SORCS3: variants seen among roughly 807,000 people sequenced by gnomAD.
The protein encoded by SORCS3 is sortilin related VPS10 domain containing receptor 3.
Under a neutral mutation model 146.3 loss-of-function variants are expected in SORCS3, and 57 were observed. That is an observed-to-expected ratio of 0.39 (90% CI 0.31 to 0.49). The LOEUF (loss-of-function observed/expected upper bound fraction) is 0.49. Among genes scored for constraint, SORCS3 ranks in the 20% least tolerant of loss-of-function variants. The probability of loss-of-function intolerance (pLI) is 0.92; values close to 1 mark genes in which losing one functional copy is unlikely to be tolerated. For missense variants in SORCS3, 1,341 were observed against 1,575.5 expected (o/e 0.85, Z 2.52); for synonymous variants, 653 against 618.5 (o/e 1.06, Z -0.83).
intron 8 of SORCS3, 24 bp downstream of exon 8, chr10:105,139,510 C>A (rs1476356265): frequency 1.9e-6 from 3 of 1,582,528 alleles, no homozygotes; most frequent in Non-Finnish European, 2.6e-6. Context: ...CACTAGCGGT[C>A]CTGGGTCCCT....
At chr10:105,062,542 T>G (rs1447374385) in intron 5 of SORCS3, among the ~76,000 whole-genome samples, 1 of 152,140 alleles carries the variant, frequency 6.6e-6, no homozygotes, top group East Asian at 1.9e-4. Flanking sequence ...GGTGCCACGA[T>G]AGGGACCCGG....
chr10:105,141,834 C>A (rs544472238), intron 8 of SORCS3, among the ~76,000 whole-genome samples: 89 of 152,142 alleles, frequency 5.8e-4, no homozygotes, highest in Non-Finnish European at 1.0e-3. Context: ...GAGCAGAGAC[C>A]CTGAGCTTTC....
chr10:104,943,242 G>A (rs2019338040), intron 3 of SORCS3, among the ~76,000 whole-genome samples: 2 of 152,088 alleles, frequency 1.3e-5, no homozygotes, highest in Admixed American at 1.3e-4. Flanking sequence ...CAATTCTCCT[G>A]CCTCAGCCTC....
At chr10:105,158,858 T>C in intron 10 of SORCS3, 34 bp from the exon 11 acceptor site, 1 of 1,546,004 alleles carries the variant, frequency 6.5e-7, no homozygotes, top group Non-Finnish European at 8.9e-7. Flanking sequence ...GTCTGGAATT[T>C]CCTAGAATGA....
At chr10:105,061,693 C>T (rs2055488711) in intron 5 of SORCS3, among the ~76,000 whole-genome samples, 1 of 149,936 alleles carries the variant, frequency 6.7e-6, no homozygotes, top group South Asian at 2.1e-4. Context: ...GGTTTAGGAG[C>T]TCTCAGGAAC....
intron 19 of SORCS3, among the ~76,000 whole-genome samples, chr10:105,219,050 T>C (rs1377148080): frequency 1.3e-5 from 2 of 152,026 alleles, no homozygotes; most frequent in Non-Finnish European, 2.9e-5. Context: ...CTTCAATGCT[T>C]AGCTAAAAGG....
intron 2 of SORCS3, among the ~76,000 whole-genome samples, chr10:104,903,963 A>G (rs1270758596): frequency 6.6e-6 from 1 of 152,238 alleles, no homozygotes; most frequent in Admixed American, 6.5e-5. Context: ...AAATAAAATT[A>G]TGTTATTTAT....
intron 1 of SORCS3, among the ~76,000 whole-genome samples, chr10:104,775,352 T>G (rs569685486): frequency 6.6e-6 from 1 of 152,318 alleles, no homozygotes; most frequent in African/African-American, 2.4e-5. Flanking sequence ...CAGTAAGTGT[T>G]ATTTCTTTTT....
chr10:105,235,004 G>A (rs2056785191), intron 20 of SORCS3, among the ~76,000 whole-genome samples: 1 of 152,074 alleles, frequency 6.6e-6, no homozygotes, highest in South Asian at 2.1e-4. Flanking sequence ...AGCTATGGAA[G>A]GAGGGGAAGC....
chr10:105,206,432 C>T (rs1360462439), intron 16 of SORCS3, among the ~76,000 whole-genome samples: 4 of 152,084 alleles, frequency 2.6e-5, no homozygotes, highest in Non-Finnish European at 5.9e-5. Flanking sequence ...CTGGTTCTGA[C>T]TGTATGTGCT....
rs190690624 is a variant in SORCS3, at chr10:104,722,656, G to A, written c.627+80702G>A. On this transcript the variant is annotated intron_variant, in intron 1 of 26. Transcript: ENST00000369701. ...TATTAATTATTGTCTCAATTTCAGA[G>A]CCTGTTATTGGTCTATTCAGAGATT... 2.2e-4 allele frequency among the ~76,000 whole-genome samples: 33 copies of A among 152,212 alleles called. 1 individual carries two copies. The highest frequency in any genetic ancestry group is 7.9e-4 in the African/African-American group (33 of 41,544).
rs752215487 is a variant in SORCS3, at chr10:105,245,595, C to G, written c.2922C>G (p.Thr974=). The G allele has an allele frequency of 9.9e-6, 16 of 1,613,978 alleles. No individual in the cohort carries two copies. The highest frequency in any genetic ancestry group is 1.4e-5 in the Non-Finnish European group (16 of 1,180,008). Residue 974 remains threonine, a synonymous_variant, in exon 21 of 27, where the codon ACC becomes ACG. Transcript: ENST00000369701. ...CCTTCACATTCCTTGCAGAAGGAAC[C>G]GACACCATCACAGTCCAGGTGGCTG... is the stretch of plus-strand genomic sequence containing the variant. ...SISFTFLAEG[T]DTITVQVAAG... is the part of the protein sequence containing the mutation.
At chr10:105,181,567 T>A (rs764420114) in intron 14 of SORCS3, among the ~76,000 whole-genome samples, 16 of 152,162 alleles carry the variant, frequency 1.1e-4, no homozygotes, top group Admixed American at 1.3e-4. Flanking sequence ...CACCGTAGCT[T>A]TGCAGGAGGA....
At chr10:105,252,988 G>T in intron 23 of SORCS3, 82 bp downstream of exon 23, 2 of 1,505,594 alleles carry the variant, frequency 1.3e-6, no homozygotes, top group South Asian at 2.6e-5. Context: ...AGCCAGAAAG[G>T]GAGACAGGCT....
At chr10:105,147,488 A>C in intron 8 of SORCS3, 129 bp from the exon 9 acceptor site, 1 of 676,708 alleles carries the variant, frequency 1.5e-6, no homozygotes, top group Non-Finnish European at 2.3e-6. Context: ...TCAACATGGA[A>C]TTGTTTAACA....
At chr10:105,022,667 A>T (rs916817082) in intron 4 of SORCS3, among the ~76,000 whole-genome samples, 7 of 152,200 alleles carry the variant, frequency 4.6e-5, no homozygotes, top group African/African-American at 1.7e-4. Flanking sequence ...GACTTCTTAG[A>T]AATTTTATCC....
intron 1 of SORCS3, among the ~76,000 whole-genome samples, chr10:104,743,565 G>C (rs1367741589): frequency 6.6e-6 from 1 of 152,122 alleles, no homozygotes; most frequent in Non-Finnish European, 1.5e-5. Flanking sequence ...CCTTCTGCTA[G>C]GGTTCCTGGA....
chr10:105,076,941 A>G (rs1288239800), intron 5 of SORCS3, among the ~76,000 whole-genome samples: 1 of 152,222 alleles, frequency 6.6e-6, no homozygotes, highest in Non-Finnish European at 1.5e-5. Flanking sequence ...GGCTACTGCC[A>G]GCATATGACA....
intron 2 of SORCS3, among the ~76,000 whole-genome samples, chr10:104,867,373 G>A (rs1419514239): frequency 4.0e-5 from 6 of 150,992 alleles, no homozygotes; most frequent in Non-Finnish European, 7.4e-5. Context: ...GCAGTGGCGA[G>A]ATCTCGGCTC....
Sources: allele counts gnomAD v4.1 joint callset (sites outside exome capture counted in the v4.1 genomes callset), GRCh38; gene constraint gnomAD v4.1.1; transcripts MANE v1.5; gene names NCBI Gene and HGNC (gene_info 2026-07-23, HGNC 2026-07-21).